The following NPTX2 variants were observed in gnomAD, a reference collection of about 807,000 sequenced individuals.
NPTX2 encodes neuronal pentraxin-2.
Under a neutral mutation model 38.1 loss-of-function variants are expected in NPTX2, and 23 were observed. The observed-to-expected ratio is 0.60, with a 90% confidence interval of 0.43 to 0.85. The LOEUF (loss-of-function observed/expected upper bound fraction) is 0.85, where lower values mean the gene tolerates loss of function less well. Among genes scored for constraint, NPTX2 ranks in the 40% least tolerant of loss-of-function variants. The pLI is 0.00. For synonymous variants in NPTX2, 291 were observed against 287.3 expected (o/e 1.01, Z -0.13); for missense variants, 553 against 615.3 (o/e 0.90, Z 1.07).
At chr7:98,623,144 G>A (rs1791295881) in intron 2 of NPTX2, among the ~76,000 whole-genome samples, 1 of 152,166 alleles carries the variant, frequency 6.6e-6, no homozygotes, top group South Asian at 2.1e-4. Flanking sequence ...GTCTCTGATG[G>A]CCTCGGAGAC....
At position 98,628,428 on chromosome 7, in the gene NPTX2, C is replaced by T. The variant is rs1362247023; in HGVS notation, c.1095C>T (p.Ala365=). The change falls in exon 5 of 5, where the codon GCC becomes GCT. Residue 365 remains alanine, a synonymous_variant. Coordinates refer to ENST00000265634, the MANE Select transcript of NPTX2 (RefSeq NM_002523.3). ...EQDTVGGRFD[A]TQAFVGELSQ... ...ACACCGTGGGGGGTAGGTTTGATGC[C>T]ACTCAGGCATTTGTCGGGGAGCTCA... 1.2e-6 allele frequency: 2 copies of T among 1,606,786 alleles called. No homozygotes were observed. The highest frequency in any genetic ancestry group is 4.5e-5 in the East Asian group (2 of 44,810).
intron 4 of NPTX2, 56 bp from the exon 5 acceptor site, chr7:98,628,346 G>A (rs1225088760): frequency 5.0e-6 from 4 of 799,644 alleles, no homozygotes; most frequent in East Asian, 5.2e-5. Flanking sequence ...TGCAGCCCGT[G>A]TGCAGGGGGA....
chr7:98,628,705 A>T lies in NPTX2; in HGVS notation c.*76A>T, dbSNP rs1791394654. The stretch of plus-strand genomic sequence containing the variant: ...TTCAGGGCCATAGACTGCCCCACTT[A>T]AACTCTTGTCAGTCTGGGCTCAGGG... On this transcript the variant is annotated 3_prime_UTR_variant, in exon 5 of 5. Coordinates refer to ENST00000265634, the MANE Select transcript of NPTX2 (RefSeq NM_002523.3). 1.5e-6 allele frequency: 1 copy of T among 663,704 alleles called. No individual in the cohort carries two copies. Among genetic ancestry groups the T allele is most frequent in the Non-Finnish European group, 2.6e-6 (1 of 388,018 alleles). 41.1% of individuals were successfully genotyped at this position (663,704 alleles called of 1,614,324 possible). A position where few individuals can be genotyped will look rare whatever the true frequency, so the allele number is the denominator to read the frequency against.
intron 2 of NPTX2, among the ~76,000 whole-genome samples, chr7:98,622,275 A>G (rs1791282808): frequency 6.6e-6 from 1 of 152,134 alleles, no homozygotes; most frequent in Non-Finnish European, 1.5e-5. Context: ...AAGCTGTTTT[A>G]TTTAAATAAA....
At chr7:98,620,003 G>A (rs1406535090) in intron 2 of NPTX2, 144 bp downstream of exon 2, 2 of 711,190 alleles carry the variant, frequency 2.8e-6, no homozygotes, top group South Asian at 1.7e-5. Context: ...TAATAAAGGC[G>A]ACTGAACAAG....
rs1041002512 is a variant in NPTX2 at position 98,619,565 on chromosome 7, G to A, written c.427-78G>A. ...CGTTTTGGAAGCTTCTCCCTGTGTGGTCGGGCCATCACAGCCACATTTCAC... is the reference window on the plus strand; with the variant it reads ...CGTTTTGGAAGCTTCTCCCTGTGTGATCGGGCCATCACAGCCACATTTCAC... On this transcript the variant is annotated intron_variant, in intron 1 of 4. Transcript: ENST00000265634. 5.6e-6 allele frequency: 7 copies of A among 1,242,052 alleles called. No homozygotes were observed. In the African/African-American group the frequency reaches 8.8e-5, roughly 16 times the overall value. The allele number at this position is 1,242,052 out of a possible 1,614,324, so 76.9% of individuals were successfully genotyped here.
rs777992828 is a variant in NPTX2, at chr7:98,627,195, G to A, written c.919G>A (p.Gly307Ser). The A allele has an allele frequency of 7.0e-5, 113 of 1,613,490 alleles. No homozygotes were observed. Among genetic ancestry groups the A allele is most frequent in the East Asian group, 4.5e-5 (2 of 44,890 alleles). ...VAQLPLFVSDGKWHHICVTWT... is the reference protein window; with the variant it reads ...VAQLPLFVSDSKWHHICVTWT... ...GCAGCTGCCCCTGTTTGTCAGTGAC[G>A]GCAAGTGGCACCACATCTGTGTCAC... Residue 307 changes from glycine to serine, a missense_variant, in exon 4 of 5, where the codon GGC (glycine) becomes AGC (serine). Physicochemically the swap from Gly to Ser is moderately conservative, Grantham distance 56. Coordinates refer to ENST00000265634, the MANE Select transcript of NPTX2 (RefSeq NM_002523.3).
chr7:98,627,323 G>A lies in NPTX2; in HGVS notation c.1047G>A (p.Val349=). 6.2e-7 allele frequency: 1 copy of A among 1,613,702 alleles called. No homozygotes were observed. The highest frequency in any genetic ancestry group is 1.1e-5 in the South Asian group (1 of 91,090). Residue 349 remains valine (V), a synonymous_variant, in exon 4 of 5, where the codon GTG becomes GTA. Transcript: ENST00000265634. ...APWHPIKPGG[V]LILGQEQDTV... ...GGCACCCCATCAAGCCCGGGGGCGTGCTGATCCTTGGACAAGAGCAGGTGG... is the reference window on the plus strand; with the variant it reads ...GGCACCCCATCAAGCCCGGGGGCGTACTGATCCTTGGACAAGAGCAGGTGG...
chr7:98,619,256 G>C (rs539834280), intron 1 of NPTX2, among the ~76,000 whole-genome samples: 2 of 152,036 alleles, frequency 1.3e-5, no homozygotes, highest in African/African-American at 4.8e-5. Context: ...TCATTTCTAG[G>C]TGAAAGCTCC....
intron 2 of NPTX2, among the ~76,000 whole-genome samples, chr7:98,622,651 G>C (rs1334819707): frequency 6.6e-6 from 1 of 152,198 alleles, no homozygotes; most frequent in South Asian, 2.1e-4. Context: ...GGACACTCTG[G>C]TTCTCTCTCT....
chr7:98,626,088 A>G (rs1449215016), intron 3 of NPTX2, among the ~76,000 whole-genome samples: 1 of 150,920 alleles, frequency 6.6e-6, no homozygotes, highest in East Asian at 2.0e-4. Flanking sequence ...TCGAGGCTGC[A>G]ATGAACTATG....
In NPTX2 at chr7:98,626,752, A is replaced by G. The variant is rs1401654420; in HGVS notation, c.889-413A>G. On this transcript the variant is annotated intron_variant, in intron 3 of 4. Coordinates refer to ENST00000265634, the MANE Select transcript of NPTX2 (RefSeq NM_002523.3). ...ACACACGTGCCGCTGCGCAGGGAGG[A>G]CGGGGCACACCCGCAGCACACAGAT... Among the ~76,000 whole-genome samples, 5 of 150,450 alleles carry G rather than the reference A, an allele frequency of 3.3e-5. No individual in the cohort carries two copies. The East Asian group carries it at 7.7e-4, about 23-fold the overall frequency.
At position 98,624,925 on chromosome 7, in the gene NPTX2, A is replaced by G. The variant is rs749776351; in HGVS notation, c.647A>G (p.Asn216Ser). The G allele has an allele frequency of 5.0e-6, 8 of 1,609,632 alleles. No homozygotes were observed. The highest frequency in any genetic ancestry group is 2.2e-5 in the South Asian group (2 of 91,026). The change falls in exon 3 of 5, where the codon AAT becomes AGT. Residue 216 changes from asparagine to serine, a missense_variant. Asn to Ser is a conservative substitution (Grantham distance 46, BLOSUM62 1). Transcript: ENST00000265634. ...LQRVTELERG[N>S]SAFKSPDAFK... ...CTCTCTTCCTCCCAACCCCCAGGCA[A>G]TAGCGCCTTTAAGTCACCAGATGCG... is the stretch of plus-strand genomic sequence containing the variant.
intron 2 of NPTX2, among the ~76,000 whole-genome samples, chr7:98,621,914 A>T (rs145879351): frequency 0.016 from 2,452 of 152,296 alleles, 28 homozygotes; most frequent in Non-Finnish European, 0.025. Flanking sequence ...TGCAGCCTGG[A>T]GCGGTGTGTG....
intron 2 of NPTX2, 70 bp from the exon 3 acceptor site, chr7:98,624,852 C>A: frequency 6.4e-7 from 1 of 1,552,786 alleles, no homozygotes; most frequent in Non-Finnish European, 8.7e-7. Context: ...CAAGATGTGG[C>A]TCTGGGCCGT....
Position 98,628,907 on chromosome 7 carries a change from G to A in NPTX2, c.*278G>A. On this transcript the variant is annotated 3_prime_UTR_variant, in exon 5 of 5. Transcript: ENST00000265634. ...GTGGATATCTGCCTTCCTGCTGCAA[G>A]TGGAGGCAGGTCCAGCAGCCCCTCT... 1 of 338,538 alleles carries A rather than the reference G, an allele frequency of 3.0e-6. No homozygotes were observed. Among genetic ancestry groups the A allele is most frequent in the Non-Finnish European group, 5.4e-6 (1 of 186,250 alleles). The allele number at this position is 338,538 out of a possible 1,614,324, so 21.0% of individuals were successfully genotyped here.
At chr7:98,623,572 C>T (rs1258860802) in intron 2 of NPTX2, among the ~76,000 whole-genome samples, 1 of 152,168 alleles carries the variant, frequency 6.6e-6, no homozygotes, top group East Asian at 1.9e-4. Context: ...AGGAAATGAT[C>T]AATAAACTCA....
intron 4 of NPTX2, 92 bp downstream of exon 4, chr7:98,627,436 GC>G: frequency 9.4e-7 from 1 of 1,063,492 alleles, no homozygotes; most frequent in Non-Finnish European, 1.4e-6. Flanking sequence ...GCGAGGAGGG[GC>G]CAACTGAGCA....
intron 1 of NPTX2, among the ~76,000 whole-genome samples, chr7:98,619,168 A>C (rs1457299263): frequency 6.6e-6 from 1 of 152,210 alleles, no homozygotes; most frequent in Non-Finnish European, 1.5e-5. Flanking sequence ...GCAACGTTTT[A>C]GATCTGTCAT....
Sources: allele counts gnomAD v4.1 joint callset (sites outside exome capture counted in the v4.1 genomes callset), GRCh38; gene constraint gnomAD v4.1.1; transcripts MANE v1.5; gene names NCBI Gene and HGNC (gene_info 2026-07-23, HGNC 2026-07-21).